BACE2: variants seen among roughly 807,000 people sequenced by gnomAD.
BACE2 encodes the protein beta-secretase 2.
BACE2 carries 17 observed loss-of-function variants against 46.2 expected under a neutral mutation model. The ratio of observed to expected loss-of-function variants is 0.37; its 90% CI spans 0.25 to 0.55. BACE2 has a LOEUF of 0.55. BACE2 is among the 20% of genes least tolerant of loss of function. The probability of loss-of-function intolerance (pLI) is 0.82; values close to 1 mark genes in which losing one functional copy is unlikely to be tolerated. For missense variants in BACE2, 595 were observed against 698.1 expected (o/e 0.85, Z 1.66); for synonymous variants, 277 against 295.9 (o/e 0.94, Z 0.66).
At chr21:41,205,862 C>A (rs1986107595) in intron 1 of BACE2, among the ~76,000 whole-genome samples, 1 of 152,138 alleles carries the variant, frequency 6.6e-6, no homozygotes, top group African/African-American at 2.4e-5. Flanking sequence ...TTCTTCATCT[C>A]TATGACTCAG....
At chr21:41,178,838 C>T (rs1016302173) in intron 1 of BACE2, 4 of 241,296 alleles carry the variant, frequency 1.7e-5, no homozygotes, top group African/African-American at 9.0e-5. Flanking sequence ...AGAACCTCCC[C>T]TTATAAGGAA....
intron 1 of BACE2, chr21:41,183,115 C>T (rs895405479): frequency 6.0e-6 from 1 of 166,634 alleles, no homozygotes; most frequent in African/African-American, 2.4e-5. Flanking sequence ...TTTTAAACCA[C>T]ACATTAAGCA....
chr21:41,223,721 A>G (rs1409463292), intron 1 of BACE2, among the ~76,000 whole-genome samples: 1 of 152,208 alleles, frequency 6.6e-6, no homozygotes, highest in Non-Finnish European at 1.5e-5. Flanking sequence ...TAGGAACTTC[A>G]GCATCTCTTT....
At chr21:41,208,075 G>A (rs1243212658) in intron 1 of BACE2, among the ~76,000 whole-genome samples, 8 of 152,158 alleles carry the variant, frequency 5.3e-5, no homozygotes, top group Admixed American at 1.3e-4. Context: ...GGCAAAAGTC[G>A]TCTCCCATAC....
rs1984968489 is a variant in BACE2, at chr21:41,179,056, G to T, written c.312+10481G>T. On this transcript the variant is annotated intron_variant, in intron 1 of 8. Transcript: ENST00000330333. ...CGTGTCCCAGGCTGCAGCCAGGGAG[G>T]TGAAGACTTGAGGGTGTCAGGGTGA... 6.2e-6 allele frequency: 7 copies of T among 1,134,654 alleles called. No individual in the cohort carries two copies. The South Asian group carries it at 6.3e-5, about 10-fold the overall frequency. The allele number at this position is 1,134,654 out of a possible 1,614,324, so 70.3% of individuals were successfully genotyped here.
chr21:41,268,272 G>T (rs1326922678), intron 8 of BACE2, among the ~76,000 whole-genome samples: 3 of 152,168 alleles, frequency 2.0e-5, no homozygotes, highest in Non-Finnish European at 4.4e-5. Flanking sequence ...CAGCTTGTAT[G>T]TGGGAGCTAG....
At chr21:41,269,475 T>C (rs2410415) in intron 8 of BACE2, among the ~76,000 whole-genome samples, 46,424 of 152,122 alleles carry the variant, frequency 0.31, 9,573 homozygotes, top group African/African-American at 0.59. Flanking sequence ...TGCACTGAGC[T>C]GTTTTCCCTG....
intron 1 of BACE2, among the ~76,000 whole-genome samples, chr21:41,200,485 CT>C (rs1384814610): frequency 6.6e-6 from 1 of 152,142 alleles, no homozygotes; most frequent in African/African-American, 2.4e-5. Flanking sequence ...CCCGTGAGGT[CT>C]TGGATTGTAA....
Position 41,237,733 on chromosome 21 carries a change from A to G in BACE2, c.618+4A>G, listed in dbSNP as rs779614408. ...AGCTTATGCCACACTTGCCAAGGTA[A>G]GGCTAATCCATGGATTTAAGGAAAT... On this transcript the variant is annotated splice_donor_region_variant and intron_variant, in intron 3 of 8. Transcript: ENST00000330333. The G allele has an allele frequency of 2.5e-6, 4 of 1,608,848 alleles. No individual in the cohort carries two copies. The highest frequency in any genetic ancestry group is 2.7e-5 in the African/African-American group (2 of 74,930).
At chr21:41,231,801 A>C (rs1437947563) in intron 2 of BACE2, among the ~76,000 whole-genome samples, 1 of 152,204 alleles carries the variant, frequency 6.6e-6, no homozygotes, top group Non-Finnish European at 1.5e-5. Context: ...TGCTCCATGT[A>C]TTTAATTATT....
chr21:41,216,110 C>A (rs1986459483), intron 1 of BACE2, among the ~76,000 whole-genome samples: 1 of 151,976 alleles, frequency 6.6e-6, no homozygotes, highest in Non-Finnish European at 1.5e-5. Context: ...GGTGGCATTA[C>A]TATTTTTATC....
chr21:41,252,069 C>T (rs938531614), intron 7 of BACE2, among the ~76,000 whole-genome samples: 1 of 152,250 alleles, frequency 6.6e-6, no homozygotes, highest in East Asian at 1.9e-4. Flanking sequence ...TGAGCCCCCA[C>T]CCTCTCTTCT....
At chr21:41,184,949 A>G (rs1391276056) in intron 1 of BACE2, 1 of 167,078 alleles carries the variant, frequency 6.0e-6, no homozygotes, top group East Asian at 1.9e-4. Context: ...TAGGCCAGAT[A>G]TATTCGTCAT....
At chr21:41,219,349 A>G (rs542750268) in intron 1 of BACE2, among the ~76,000 whole-genome samples, 11 of 152,238 alleles carry the variant, frequency 7.2e-5, no homozygotes, top group Non-Finnish European at 1.5e-4. Flanking sequence ...TCTGTATAGT[A>G]AAGATGAAAA....
chr21:41,204,333 G>T (rs1055422091), intron 1 of BACE2, among the ~76,000 whole-genome samples: 1 of 152,164 alleles, frequency 6.6e-6, no homozygotes, highest in African/African-American at 2.4e-5. Flanking sequence ...GAGCCACTGC[G>T]CCCGGCCAAG....
rs776885780 is a variant in BACE2 at position 41,246,074 on chromosome 21, G to A, written c.984+11G>A. ...GCCCGCGCATCTCTGGTGAGTCCTC[G>A]GGACACTCACGGGTCCCCGAGTTGC... is the stretch of plus-strand genomic sequence containing the variant. On this transcript the variant is annotated intron_variant, in intron 6 of 8. Transcript: ENST00000330333. 27 of 1,586,988 alleles carry A rather than the reference G, an allele frequency of 1.7e-5. No individual in the cohort carries two copies. The highest frequency in any genetic ancestry group is 1.9e-5 in the Non-Finnish European group (22 of 1,165,710).
intron 7 of BACE2, among the ~76,000 whole-genome samples, chr21:41,253,024 A>C (rs1023880485): frequency 3.9e-5 from 6 of 152,230 alleles, no homozygotes; most frequent in Non-Finnish European, 5.9e-5. Context: ...CTTTAACTAT[A>C]AAGGAGAAAC....
At chr21:41,169,467 AT>A (rs1054023551) in intron 1 of BACE2, among the ~76,000 whole-genome samples, 39 of 148,052 alleles carry the variant, frequency 2.6e-4, no homozygotes, top group Non-Finnish European at 3.3e-4. Context: ...AAAAAAAAAA[AT>A]CCCAATTGAT....
chr21:41,230,738 C>T (rs1283986970), intron 2 of BACE2, among the ~76,000 whole-genome samples: 4 of 152,144 alleles, frequency 2.6e-5, no homozygotes, highest in Non-Finnish European at 5.9e-5. Flanking sequence ...AATGAGATGT[C>T]AGGCTACCAT....
Sources: allele counts gnomAD v4.1 joint callset (sites outside exome capture counted in the v4.1 genomes callset), GRCh38; gene constraint gnomAD v4.1.1; transcripts MANE v1.5; gene names NCBI Gene and HGNC (gene_info 2026-07-23, HGNC 2026-07-21).